FAM135B: variants seen among roughly 807,000 people sequenced by gnomAD.
FAM135B encodes the protein protein FAM135B.
A neutral mutation model predicts 127.7 loss-of-function variants in FAM135B; 43 were observed. The ratio of observed to expected loss-of-function variants is 0.34; its 90% CI spans 0.26 to 0.43. The LOEUF (loss-of-function observed/expected upper bound fraction) is 0.43, where lower values mean the gene tolerates loss of function less well. FAM135B is among the 20% of genes least tolerant of loss of function. The pLI, the probability that FAM135B is intolerant of heterozygous loss-of-function variation, is 1.00. For missense variants in FAM135B, 1,558 were observed against 1,725.6 expected (o/e 0.90, Z 1.72); for synonymous variants, 670 against 665.1 (o/e 1.01, Z -0.11).
intron 1 of FAM135B, among the ~76,000 whole-genome samples, chr8:138,368,970 A>G (rs1382585020): frequency 1.3e-5 from 2 of 152,132 alleles, no homozygotes; most frequent in Non-Finnish European, 2.9e-5. Flanking sequence ...ATTTTGTATT[A>G]TTCTTGCCCC....
intron 7 of FAM135B, among the ~76,000 whole-genome samples, chr8:138,216,422 C>T (rs1818551424): frequency 6.6e-6 from 1 of 152,090 alleles, no homozygotes; most frequent in Admixed American, 6.5e-5. Context: ...TTTCTGCCTT[C>T]ACCAGGCCTT....
rs371281620 is a variant in FAM135B at position 138,243,060 on chromosome 8, C to T, written c.551G>A (p.Arg184His). Reference protein sequence around the residue: ...ALQQPLISFTRPGRGSWLGKG... With the variant: ...ALQQPLISFTHPGRGSWLGKG... ...ACCAAGCCAGGAGCCTCTTCCTGGA[C>T]GAGTAAAACTAAACAAAAGATAATT... The change falls in exon 7 of 20, where the codon CGT becomes CAT. Residue 184 changes from arginine (R) to histidine (H), a missense_variant. Physicochemically the swap from Arg to His is conservative, Grantham distance 29. Coordinates refer to ENST00000395297, the MANE Select transcript of FAM135B (RefSeq NM_015912.4). The surrounding 1 kb of genome is among the most constrained non-coding windows in gnomAD (Gnocchi z 7.5). The T allele has an allele frequency of 9.7e-5, 155 of 1,605,730 alleles. No homozygotes were observed. The highest frequency in any genetic ancestry group is 2.1e-4 in the South Asian group (19 of 89,400).
chr8:138,374,593 A>C (rs1224481705), intron 1 of FAM135B, among the ~76,000 whole-genome samples: 3 of 152,230 alleles, frequency 2.0e-5, no homozygotes, highest in Non-Finnish European at 2.9e-5. Flanking sequence ...ACCAGACAAC[A>C]GACTCTAGGC....
chr8:138,375,374 T>C (rs573663232), intron 1 of FAM135B, among the ~76,000 whole-genome samples: 18 of 152,098 alleles, frequency 1.2e-4, no homozygotes, highest in Non-Finnish European at 1.9e-4. Flanking sequence ...CTATAGTCTC[T>C]CTCTGTGTGT....
chr8:138,384,355 T>TTTA, intron 1 of FAM135B, among the ~76,000 whole-genome samples: 1 of 150,646 alleles, frequency 6.6e-6, no homozygotes, highest in East Asian at 1.9e-4. Flanking sequence ...CATTTATTTA[T>TTTA]TTATTTATTT....
intron 1 of FAM135B, among the ~76,000 whole-genome samples, chr8:138,402,267 T>C (rs1308161009): frequency 6.6e-6 from 1 of 152,112 alleles, no homozygotes; most frequent in East Asian, 1.9e-4. Flanking sequence ...TCTGGTATTG[T>C]ATAAAGGCCT....
intron 1 of FAM135B, among the ~76,000 whole-genome samples, chr8:138,490,413 C>G (rs1035047854): frequency 1.3e-5 from 2 of 152,176 alleles, no homozygotes. Context: ...CCTGCAGGGC[C>G]CATCAGGAAA....
intron 1 of FAM135B, among the ~76,000 whole-genome samples, chr8:138,483,298 A>G (rs759516286): frequency 3.3e-5 from 5 of 152,204 alleles, no homozygotes; most frequent in Non-Finnish European, 5.9e-5. Flanking sequence ...AAGTACAGAG[A>G]GGCTGAGCAA....
At chr8:138,444,220 C>T (rs536273344) in intron 1 of FAM135B, among the ~76,000 whole-genome samples, 7 of 152,170 alleles carry the variant, frequency 4.6e-5, no homozygotes, top group Non-Finnish European at 1.0e-4. Context: ...TAACACCCCA[C>T]TGTCAACATT....
At chr8:138,327,093 T>C (rs1232074026) in intron 2 of FAM135B, among the ~76,000 whole-genome samples, 1 of 152,164 alleles carries the variant, frequency 6.6e-6, no homozygotes, top group Non-Finnish European at 1.5e-5. Flanking sequence ...TATGAAGTGA[T>C]AAGAAAATAC....
At chr8:138,292,415 C>A (rs1825177918) in intron 3 of FAM135B, among the ~76,000 whole-genome samples, 1 of 152,008 alleles carries the variant, frequency 6.6e-6, no homozygotes, top group Admixed American at 6.6e-5. Flanking sequence ...GAAAAAAGAA[C>A]TAAACTTCAT....
intron 2 of FAM135B, among the ~76,000 whole-genome samples, chr8:138,332,983 G>GCACACACA (rs59548249): frequency 2.8e-5 from 4 of 145,318 alleles, no homozygotes; most frequent in Admixed American, 1.4e-4. Flanking sequence ...TTTGGAAAGC[G>GCACACACA]CACACACACA....
intron 1 of FAM135B, among the ~76,000 whole-genome samples, chr8:138,429,670 C>T (rs1383169745): frequency 6.6e-6 from 1 of 152,158 alleles, no homozygotes; most frequent in Non-Finnish European, 1.5e-5. Context: ...AATATGATGA[C>T]TGTGTTTTGT....
chr8:138,356,606 C>G (rs950836060), intron 2 of FAM135B, among the ~76,000 whole-genome samples: 2 of 152,114 alleles, frequency 1.3e-5, no homozygotes, highest in Non-Finnish European at 2.9e-5. Flanking sequence ...TCAAATAAAA[C>G]ACCAAATTTT....
intron 3 of FAM135B, among the ~76,000 whole-genome samples, chr8:138,274,081 C>G (rs1226060425): frequency 6.6e-6 from 1 of 152,226 alleles, no homozygotes; most frequent in African/African-American, 2.4e-5. Flanking sequence ...ATATGTTCCT[C>G]CTCCTGTCTT....
intron 8 of FAM135B, 57 bp downstream of exon 8, chr8:138,197,459 G>C (rs1423783150): frequency 6.3e-7 from 1 of 1,576,288 alleles, no homozygotes; most frequent in South Asian, 1.1e-5. Context: ...CCCATCCCTT[G>C]TGTGGAGGAG....
intron 3 of FAM135B, among the ~76,000 whole-genome samples, chr8:138,288,753 A>C (rs902998791): frequency 6.6e-6 from 1 of 152,226 alleles, no homozygotes. Context: ...TTTTCTTTTA[A>C]GAAGATAATT....
At chr8:138,145,656 G>A (rs529074280) in intron 15 of FAM135B, among the ~76,000 whole-genome samples, 6 of 152,272 alleles carry the variant, frequency 3.9e-5, no homozygotes, top group Admixed American at 2.0e-4. Flanking sequence ...AGAACTGAGC[G>A]CCAACAGTTA....
intron 12 of FAM135B, among the ~76,000 whole-genome samples, chr8:138,159,580 A>G (rs1447962400): frequency 7.3e-5 from 10 of 136,696 alleles, no homozygotes; most frequent in African/African-American, 2.7e-4. Flanking sequence ...CAGGGTGGGT[A>G]GCACCACACA....
Sources: gnomAD v4.1 joint callset for allele counts (sites outside exome capture counted in the v4.1 genomes callset) on GRCh38, gnomAD v4.1.1 for gene constraint, Gnocchi (gnomAD v3.1) non-coding constraint, MANE v1.5 for transcripts, NCBI Gene and HGNC (gene_info 2026-07-23, HGNC 2026-07-21) for gene names.